The following STXBP5 variants were observed in gnomAD, a reference collection of about 807,000 sequenced individuals.
STXBP5 encodes the protein syntaxin-binding protein 5.
A neutral mutation model predicts 152.4 loss-of-function variants in STXBP5; 50 were observed. The ratio of observed to expected loss-of-function variants is 0.33; its 90% CI spans 0.26 to 0.42. The LOEUF is 0.42. STXBP5 is among the 10% of genes least tolerant of loss of function. The pLI, the probability that STXBP5 is intolerant of heterozygous loss-of-function variation, is 1.00. For synonymous variants in STXBP5, 492 were observed against 494.7 expected, an observed-to-expected ratio of 0.99 and a Z score of 0.07; for missense variants, 1,167 against 1,388.6, an observed-to-expected ratio of 0.84 and a Z score of 2.54.
chr6:147,319,197 A>T (rs1187607115), intron 16 of STXBP5, among the ~76,000 whole-genome samples: 2 of 152,120 alleles, frequency 1.3e-5, no homozygotes, highest in Non-Finnish European at 1.5e-5. Context: ...GTTTTTTAAA[A>T]AACAGTCATT....
intron 16 of STXBP5, among the ~76,000 whole-genome samples, chr6:147,318,581 T>C (rs971226922): frequency 6.6e-6 from 1 of 152,230 alleles, no homozygotes; most frequent in African/African-American, 2.4e-5. Context: ...TGGAATGTTA[T>C]GGCACACTAT....
intron 11 of STXBP5, 21 bp from the exon 12 acceptor site, chr6:147,313,858 ATACTT>A (rs1782504706): frequency 1.5e-5 from 22 of 1,430,330 alleles, no homozygotes; most frequent in Non-Finnish European, 2.0e-5. Flanking sequence ...AAATTAATAA[ATACTT>A]TTCTTTTTCT....
At chr6:147,207,772 A>G (rs1776647564) in intron 2 of STXBP5, among the ~76,000 whole-genome samples, 1 of 152,188 alleles carries the variant, frequency 6.6e-6, no homozygotes, top group Admixed American at 6.5e-5. Context: ...GCTTTTCTGT[A>G]AAATGAGTTT....
intron 19 of STXBP5, among the ~76,000 whole-genome samples, chr6:147,337,458 T>C (rs1234360523): frequency 1.3e-5 from 2 of 152,154 alleles, no homozygotes; most frequent in East Asian, 1.9e-4. Flanking sequence ...ACAGAAGTTA[T>C]AACAATCAGT....
chr6:147,305,814 G>C (rs992678236), intron 9 of STXBP5, among the ~76,000 whole-genome samples: 1 of 152,100 alleles, frequency 6.6e-6, no homozygotes, highest in Non-Finnish European at 1.5e-5. Context: ...TTACCAGGTA[G>C]CTCTCAAGAG....
Position 147,387,057 on chromosome 6 carries a change from T to C in STXBP5, c.*2302T>C, listed in dbSNP as rs1175755431. ...AATCTTAAATCAGTGTTTTGAGTTA[T>C]TTAATTTTTAAATTAATCTACAAAT... On this transcript the variant is annotated 3_prime_UTR_variant, in exon 28 of 28. Transcript: ENST00000321680. 2.6e-5 allele frequency: 4 copies of C among 151,760 alleles called. No individual in the cohort carries two copies. The highest frequency in any genetic ancestry group is 2.1e-4 in the South Asian group (1 of 4,834). The allele number at this position is 151,760 out of a possible 1,614,324, so 9.4% of individuals were successfully genotyped here.
intron 7 of STXBP5, among the ~76,000 whole-genome samples, chr6:147,276,090 T>G (rs897706169): frequency 6.6e-6 from 1 of 152,180 alleles, no homozygotes; most frequent in Non-Finnish European, 1.5e-5. Context: ...TTACGTAAAT[T>G]TCTCTGTCAT....
intron 2 of STXBP5, among the ~76,000 whole-genome samples, chr6:147,214,292 C>G (rs1481054599): frequency 6.6e-6 from 1 of 152,154 alleles, no homozygotes; most frequent in Non-Finnish European, 1.5e-5. Flanking sequence ...TCAGATTTAG[C>G]AATTCTAGTT....
chr6:147,292,645 G>GA (rs541875156), intron 9 of STXBP5: 50 of 147,486 alleles, frequency 3.4e-4, no homozygotes, highest in South Asian at 1.3e-3. Context: ...AAGAAAATCT[G>GA]AAAAAAAAAA....
At chr6:147,321,859 TCC>T (rs1189774394) in intron 16 of STXBP5, among the ~76,000 whole-genome samples, 1 of 152,196 alleles carries the variant, frequency 6.6e-6, no homozygotes, top group African/African-American at 2.4e-5. Context: ...AACACCCTCT[TCC>T]CATTTCATAT....
At chr6:147,382,190 G>C (rs1047909847) in intron 26 of STXBP5, among the ~76,000 whole-genome samples, 4 of 152,080 alleles carry the variant, frequency 2.6e-5, no homozygotes, top group African/African-American at 9.7e-5. Context: ...TGAATCGCAA[G>C]GTCTTTTGAT....
At chr6:147,221,255 A>G (rs1016040754) in intron 2 of STXBP5, among the ~76,000 whole-genome samples, 6 of 152,108 alleles carry the variant, frequency 3.9e-5, no homozygotes, top group Non-Finnish European at 7.4e-5. Flanking sequence ...ATATGTGTTT[A>G]TATATGTAAA....
intron 6 of STXBP5, among the ~76,000 whole-genome samples, chr6:147,266,192 GA>G (rs1779883406): frequency 6.6e-6 from 1 of 152,082 alleles, no homozygotes; most frequent in Non-Finnish European, 1.5e-5. Flanking sequence ...GAGGTAAACA[GA>G]GCTCATACCA....
At chr6:147,238,018 A>G (rs1237382549) in intron 3 of STXBP5, among the ~76,000 whole-genome samples, 1 of 152,230 alleles carries the variant, frequency 6.6e-6, no homozygotes, top group Admixed American at 6.5e-5. Context: ...CAATTATCAC[A>G]TTGCATTCAC....
chr6:147,233,776 A>G (rs1448790450), intron 2 of STXBP5, among the ~76,000 whole-genome samples: 1 of 151,204 alleles, frequency 6.6e-6, no homozygotes, highest in Non-Finnish European at 1.5e-5. Context: ...TATTAATTTG[A>G]ATTCTAGTTT....
intron 9 of STXBP5, among the ~76,000 whole-genome samples, chr6:147,302,379 G>A (rs1781866073): frequency 6.6e-6 from 1 of 152,116 alleles, no homozygotes; most frequent in Admixed American, 6.5e-5. Flanking sequence ...AGATAGTTTG[G>A]TTTGATAGTT....
chr6:147,260,790 CTA>C, intron 5 of STXBP5, 41 bp downstream of exon 5: 1 of 1,600,026 alleles, frequency 6.2e-7, no homozygotes, highest in Non-Finnish European at 8.5e-7. Context: ...AGCATCAGTT[CTA>C]TATATAATAA....
At chr6:147,312,037 C>T (rs1442377289) in intron 11 of STXBP5, among the ~76,000 whole-genome samples, 2 of 152,158 alleles carry the variant, frequency 1.3e-5, no homozygotes, top group Non-Finnish European at 2.9e-5. Flanking sequence ...CCAACCTGAT[C>T]TCTGTCTTCT....
intron 16 of STXBP5, 30 bp downstream of exon 16, chr6:147,316,437 T>C (rs756053400): frequency 7.5e-5 from 109 of 1,444,810 alleles, no homozygotes; most frequent in Non-Finnish European, 9.9e-5. Context: ...AGAGGAGTTT[T>C]GGATATTATC....
Sources: gnomAD v4.1 joint callset for allele counts (sites outside exome capture counted in the v4.1 genomes callset) on GRCh38, gnomAD v4.1.1 for gene constraint, MANE v1.5 for transcripts, NCBI Gene and HGNC (gene_info 2026-07-23, HGNC 2026-07-21) for gene names.